TFDP2: variants seen among roughly 807,000 people sequenced by gnomAD.
The protein encoded by TFDP2 is transcription factor Dp-2 (E2F dimerization partner 2).
A neutral mutation model predicts 59.3 loss-of-function variants in TFDP2; 17 were observed. The observed-to-expected ratio is 0.29, with a 90% CI of 0.20 to 0.43. The LOEUF (loss-of-function observed/expected upper bound fraction) is 0.43, where lower values mean the gene tolerates loss of function less well. TFDP2 is among the 20% of genes least tolerant of loss of function. TFDP2 has a pLI of 1.00. For missense variants in TFDP2, 391 were observed against 528.8 expected (o/e 0.74, Z 2.56); for synonymous variants, 180 against 194.7 (o/e 0.92, Z 0.63).
intron 6 of TFDP2, among the ~76,000 whole-genome samples, chr3:141,992,647 G>T (rs1942895813): frequency 6.6e-6 from 1 of 152,164 alleles, no homozygotes; most frequent in Non-Finnish European, 1.5e-5. Flanking sequence ...AGAAGTGATT[G>T]TATCTGTTGA....
chr3:141,974,173 T>C lies in TFDP2; in HGVS notation c.538A>G (p.Ile180Val). The change falls in exon 8 of 13, where the codon ATT becomes GTT. Residue 180 changes from isoleucine (I) to valine (V), a missense_variant. By Grantham distance (29) the Ile-to-Val change is conservative. Coordinates refer to ENST00000489671, the MANE Select transcript of TFDP2 (RefSeq NM_001178139.2). Reference protein sequence around the residue: ...AADSAYDQKNIRRRVYDALNV... With the variant: ...AADSAYDQKNVRRRVYDALNV... ...AAAGCATCATAAACTCTTCGCCTAA[T>C]GTTCTTCTGATCATAAGCCTGCTAA... is the stretch of plus-strand genomic sequence containing the variant. 1.2e-6 allele frequency: 2 copies of C among 1,604,668 alleles called. No individual in the cohort carries two copies. The highest frequency in any genetic ancestry group is 1.7e-6 in the Non-Finnish European group (2 of 1,177,150).
At chr3:141,964,216 A>G (rs1937615104) in intron 9 of TFDP2, among the ~76,000 whole-genome samples, 2 of 152,174 alleles carry the variant, frequency 1.3e-5, no homozygotes, top group African/African-American at 4.8e-5. Flanking sequence ...GGAACTCTTC[A>G]GCAAATGACA....
intron 1 of TFDP2, among the ~76,000 whole-genome samples, chr3:142,124,588 G>A (rs985017598): frequency 1.2e-4 from 19 of 152,180 alleles, no homozygotes; most frequent in East Asian, 3.9e-4. Flanking sequence ...AGAATTCAAC[G>A]TAATTTTTTT....
At chr3:142,020,813 A>T (rs1945528634) in intron 3 of TFDP2, among the ~76,000 whole-genome samples, 1 of 151,766 alleles carries the variant, frequency 6.6e-6, no homozygotes, top group African/African-American at 2.4e-5. Flanking sequence ...GTAAGGCCTC[A>T]TCTCTACAAA....
chr3:141,973,089 A>ATGTG (rs1437928170), intron 8 of TFDP2, among the ~76,000 whole-genome samples: 5 of 96,372 alleles, frequency 5.2e-5, no homozygotes, highest in African/African-American at 1.6e-4. Flanking sequence ...TCCCAAAGCT[A>ATGTG]TGTGTATATA....
intron 3 of TFDP2, among the ~76,000 whole-genome samples, chr3:142,020,290 C>T (rs911201244): frequency 2.0e-5 from 3 of 152,158 alleles, no homozygotes; most frequent in Non-Finnish European, 4.4e-5. Flanking sequence ...AATCCCAGCA[C>T]TTTGGGAGGC....
rs11569286 is a variant in TFDP2 at position 141,953,227 on chromosome 3, G to A, written c.1052-211C>T. On this transcript the variant is annotated intron_variant, in intron 11 of 12. Coordinates refer to ENST00000489671, the MANE Select transcript of TFDP2 (RefSeq NM_001178139.2). ...CATAAGAGCAGGAAAAAAAAAATAC[G>A]GGAAGGCAGCTTACGGAGAGAAGGT... Among the ~76,000 whole-genome samples, 1,095 of 152,080 alleles carry A rather than the reference G, an allele frequency of 7.2e-3. 9 individuals carry two copies. Among genetic ancestry groups the A allele is most frequent in the Non-Finnish European group, 0.011 (721 of 67,996 alleles).
rs540352017 is a variant in TFDP2 at position 141,988,669 on chromosome 3, C to CTTTTT, written c.356+4864_356+4868dup. Among the ~76,000 whole-genome samples the CTTTTT allele has an allele frequency of 1.4e-3, 176 of 125,624 alleles. 1 individual carries two copies. Among genetic ancestry groups the CTTTTT allele is most frequent in the Middle Eastern group, 4.2e-3 (1 of 236 alleles). 82.4% of individuals were successfully genotyped at this position (125,624 alleles called of 152,430 possible). A position where few individuals can be genotyped will look rare whatever the true frequency, so the allele number is the denominator to read the frequency against. On this transcript the variant is annotated intron_variant, in intron 6 of 12. Coordinates refer to ENST00000489671, the MANE Select transcript of TFDP2 (RefSeq NM_001178139.2). ...ACTGTTTTTAGCAATCTTTTCTTTT[C>CTTTTT]TTTTTTTTTTTTTTTTTTGAGATGG... is the stretch of plus-strand genomic sequence containing the variant.
At chr3:142,138,619 A>G (rs113477984) in intron 1 of TFDP2, among the ~76,000 whole-genome samples, 12,653 of 152,154 alleles carry the variant, frequency 0.083, 655 homozygotes, top group Middle Eastern at 0.14. Context: ...CCTTCATTTC[A>G]TTATGTACCC....
chr3:141,961,391 G>T (rs752237577), intron 10 of TFDP2, among the ~76,000 whole-genome samples: 1 of 151,674 alleles, frequency 6.6e-6, no homozygotes, highest in Non-Finnish European at 1.5e-5. Flanking sequence ...GTACAGGCGC[G>T]TGCCACCATG....
intron 10 of TFDP2, among the ~76,000 whole-genome samples, chr3:141,963,384 G>A (rs1559926828): frequency 6.6e-6 from 1 of 152,102 alleles, no homozygotes; most frequent in South Asian, 2.1e-4. Flanking sequence ...CTATGATATA[G>A]CAAAACAAAG....
chr3:142,046,037 A>G (rs1947333502), intron 3 of TFDP2, among the ~76,000 whole-genome samples: 1 of 152,154 alleles, frequency 6.6e-6, no homozygotes, highest in Non-Finnish European at 1.5e-5. Context: ...TTAAAATTAT[A>G]TACTATCTAG....
At chr3:142,058,552 C>T (rs1172320834) in intron 3 of TFDP2, among the ~76,000 whole-genome samples, 2 of 152,120 alleles carry the variant, frequency 1.3e-5, no homozygotes, top group Admixed American at 6.5e-5. Flanking sequence ...TTCCCATGAC[C>T]CCGCCTCAGA....
chr3:142,014,823 A>G (rs530664437), intron 3 of TFDP2, among the ~76,000 whole-genome samples: 3 of 152,226 alleles, frequency 2.0e-5, no homozygotes, highest in Admixed American at 6.5e-5. Flanking sequence ...AAAACAAAAA[A>G]CCAACTTTTC....
intron 3 of TFDP2, among the ~76,000 whole-genome samples, chr3:142,062,405 G>A (rs59783680): frequency 0.82 from 116,917 of 143,452 alleles, 47,038 homozygotes; most frequent in African/African-American, 0.91. Flanking sequence ...ATATATATGT[G>A]TGTGTGTGTG....
rs1935100654 is a variant in TFDP2 at position 141,945,140 on chromosome 3, T to A, written c.*7373A>T. 6.6e-6 allele frequency: 1 copy of A among 151,678 alleles called. No individual in the cohort carries two copies. The highest frequency in any genetic ancestry group is 2.4e-5 in the African/African-American group (1 of 41,100). 9.4% of individuals were successfully genotyped at this position (151,678 alleles called of 1,614,324 possible). On this transcript the variant is annotated 3_prime_UTR_variant, in exon 13 of 13. Coordinates refer to ENST00000489671, the MANE Select transcript of TFDP2 (RefSeq NM_001178139.2). ...GCTCATGGCCCTTTACCCACCTTTT[T>A]TTTTTGAGATGGAATTTCGCTCTTG...
intron 1 of TFDP2, among the ~76,000 whole-genome samples, chr3:142,116,588 GA>G (rs1265674683): frequency 6.6e-6 from 1 of 152,176 alleles, no homozygotes; most frequent in Non-Finnish European, 1.5e-5. Context: ...AGAACTGTAG[GA>G]AATAAGTTTC....
intron 3 of TFDP2, among the ~76,000 whole-genome samples, chr3:142,010,651 C>A (rs1944597717): frequency 6.8e-6 from 1 of 147,586 alleles, no homozygotes; most frequent in Non-Finnish European, 1.5e-5. Context: ...AGTGAACAGG[C>A]AACCTACAAA....
chr3:142,002,323 T>TTTG (rs1461953498), intron 4 of TFDP2, among the ~76,000 whole-genome samples: 1 of 147,538 alleles, frequency 6.8e-6, no homozygotes, highest in Non-Finnish European at 1.5e-5. Flanking sequence ...TAGTGTTTTT[T>TTTG]TTTTTTTTTT....
Sources: gnomAD v4.1 joint callset for allele counts (sites outside exome capture counted in the v4.1 genomes callset) on GRCh38, gnomAD v4.1.1 for gene constraint, MANE v1.5 for transcripts, NCBI Gene and HGNC (gene_info 2026-07-23, HGNC 2026-07-21) for gene names.